CYTH3: variants seen among roughly 807,000 people sequenced by gnomAD.
CYTH3 encodes cytohesin 3, also known as cytohesin-3.
In CYTH3, 23 loss-of-function variants were observed where a neutral mutation model predicts 55.1. The ratio of observed to expected loss-of-function variants is 0.42; its 90% CI spans 0.30 to 0.59. The LOEUF is 0.59. CYTH3 is among the 20% of genes least tolerant of loss of function. The pLI is 0.20. For synonymous variants in CYTH3, 249 were observed against 194.9 expected (o/e 1.28, Z -2.31); for missense variants, 413 against 524.8 (o/e 0.79, Z 2.08).
chr7:6,217,132 C>T (rs1273786171), intron 1 of CYTH3, among the ~76,000 whole-genome samples: 15 of 152,108 alleles, frequency 9.9e-5, no homozygotes, highest in Non-Finnish European at 1.8e-4. Flanking sequence ...AGGCTGGTCT[C>T]GAACTCCTAA....
chr7:6,252,985 C>G (rs1277151920), intron 1 of CYTH3, among the ~76,000 whole-genome samples: 5 of 152,144 alleles, frequency 3.3e-5, no homozygotes, highest in Non-Finnish European at 7.3e-5. Flanking sequence ...ACATCTGAAC[C>G]ACTCCGTAAC....
chr7:6,246,261 G>C (rs1583193627), intron 1 of CYTH3, among the ~76,000 whole-genome samples: 1 of 151,200 alleles, frequency 6.6e-6, no homozygotes, highest in East Asian at 1.9e-4. Context: ...AAGAGACAGG[G>C]GTCTCACTTT....
chr7:6,162,591 C>T lies in CYTH3; in HGVS notation c.*2353G>A, dbSNP rs1782868325. The stretch of plus-strand genomic sequence containing the variant: ...CAAGGATCAGCAGGCATGATGGTCG[C>T]ACAGCCTTCATGCTAATACTGTCCT... On this transcript the variant is annotated 3_prime_UTR_variant, in exon 13 of 13. Coordinates refer to ENST00000350796, the MANE Select transcript of CYTH3 (RefSeq NM_004227.4). 1 of 152,254 alleles carries T rather than the reference C, an allele frequency of 6.6e-6. No individual in the cohort carries two copies. The highest frequency in any genetic ancestry group is 2.4e-5 in the African/African-American group (1 of 41,452). 9.4% of individuals were successfully genotyped at this position (152,254 alleles called of 1,614,324 possible).
chr7:6,222,000 G>C (rs1784564083), intron 1 of CYTH3, among the ~76,000 whole-genome samples: 1 of 152,166 alleles, frequency 6.6e-6, no homozygotes. Context: ...ATTGCATAAG[G>C]TAAGGAAAAA....
At chr7:6,201,565 G>T (rs763146636) in intron 1 of CYTH3, among the ~76,000 whole-genome samples, 8 of 152,128 alleles carry the variant, frequency 5.3e-5, no homozygotes, top group African/African-American at 1.7e-4. Flanking sequence ...CAAGAGAAGG[G>T]ATCCAGTACA....
intron 1 of CYTH3, among the ~76,000 whole-genome samples, chr7:6,259,806 T>TATATA (rs1187013390): frequency 3.3e-5 from 1 of 30,186 alleles, no homozygotes; most frequent in Non-Finnish European, 4.5e-5. Flanking sequence ...TATATATATA[T>TATATA]ATATATAATA....
At chr7:6,209,012 C>T (rs1784264069) in intron 1 of CYTH3, among the ~76,000 whole-genome samples, 1 of 152,186 alleles carries the variant, frequency 6.6e-6, no homozygotes, top group Non-Finnish European at 1.5e-5. Flanking sequence ...CTTTGTTGAA[C>T]AGGGAAATTT....
At chr7:6,248,450 T>C (rs1554254241) in intron 1 of CYTH3, among the ~76,000 whole-genome samples, 1 of 152,146 alleles carries the variant, frequency 6.6e-6, no homozygotes, top group Non-Finnish European at 1.5e-5. Context: ...CGTGTTGCTT[T>C]TGTTTTCTAG....
At chr7:6,246,021 T>A (rs1052189282) in intron 1 of CYTH3, among the ~76,000 whole-genome samples, 3 of 152,150 alleles carry the variant, frequency 2.0e-5, no homozygotes, top group African/African-American at 7.2e-5. Flanking sequence ...GGTACTTGCT[T>A]CTTAAAGATT....
chr7:6,172,839 G>A (rs1481471156), intron 6 of CYTH3: 1 of 1,279,360 alleles, frequency 7.8e-7, no homozygotes, highest in Non-Finnish European at 1.0e-6. Context: ...GCACTGTTCA[G>A]CCCCAGGCTG....
intron 5 of CYTH3, among the ~76,000 whole-genome samples, chr7:6,175,303 C>A (rs931276820): frequency 6.6e-6 from 1 of 151,974 alleles, no homozygotes; most frequent in African/African-American, 2.4e-5. Flanking sequence ...GCCCGGCCAG[C>A]CTTCAATTTC....
At chr7:6,221,763 G>C (rs1784559128) in intron 1 of CYTH3, among the ~76,000 whole-genome samples, 1 of 152,084 alleles carries the variant, frequency 6.6e-6, no homozygotes, top group South Asian at 2.1e-4. Context: ...CTCAGGGAGA[G>C]TGAGGTGGGA....
chr7:6,172,833 T>C (rs772546408), intron 6 of CYTH3: 65 of 1,280,512 alleles, frequency 5.1e-5, no homozygotes, highest in Middle Eastern at 4.3e-4. Context: ...CTCAGCGCAC[T>C]GTTCAGCCCC....
chr7:6,201,344 G>A (rs552193815), intron 1 of CYTH3, among the ~76,000 whole-genome samples: 4 of 152,334 alleles, frequency 2.6e-5, no homozygotes, highest in East Asian at 1.9e-4. Flanking sequence ...AAGCCGCAGA[G>A]GCTCCAAGGG....
intron 12 of CYTH3, 69 bp from the exon 13 acceptor site, chr7:6,165,085 C>T: frequency 6.2e-7 from 1 of 1,600,456 alleles, no homozygotes; most frequent in Non-Finnish European, 8.6e-7. Flanking sequence ...TCCCACCAGC[C>T]CCAGAGGCCC....
At chr7:6,182,935 T>C (rs563958415) in intron 4 of CYTH3, among the ~76,000 whole-genome samples, 1 of 152,332 alleles carries the variant, frequency 6.6e-6, no homozygotes, top group African/African-American at 2.4e-5. Flanking sequence ...GTCTTTGTAT[T>C]TTAGGGTCAC....
At chr7:6,251,716 G>A (rs1022748257) in intron 1 of CYTH3, among the ~76,000 whole-genome samples, 11 of 152,058 alleles carry the variant, frequency 7.2e-5, no homozygotes, top group East Asian at 1.9e-4. Context: ...CCTGAACCAC[G>A]GAAACGTAAA....
chr7:6,172,601 G>C (rs1487448795), intron 6 of CYTH3: 2 of 651,636 alleles, frequency 3.1e-6, no homozygotes, highest in African/African-American at 2.0e-5. Flanking sequence ...GGCCCTCTAC[G>C]GGGCTATGCC....
intron 1 of CYTH3, among the ~76,000 whole-genome samples, chr7:6,256,014 C>T (rs1441460516): frequency 1.3e-5 from 2 of 152,074 alleles, no homozygotes; most frequent in Admixed American, 6.5e-5. Flanking sequence ...CCACCCACCT[C>T]GGCCTCCCAA....
Sources: gnomAD v4.1 joint callset for allele counts (sites outside exome capture counted in the v4.1 genomes callset) on GRCh38, gnomAD v4.1.1 for gene constraint, MANE v1.5 for transcripts, NCBI Gene and HGNC (gene_info 2026-07-23, HGNC 2026-07-21) for gene names.